RNF121: variants seen among roughly 807,000 people sequenced by gnomAD.
RNF121 encodes E3 ubiquitin ligase RNF121.
In RNF121, 21 loss-of-function variants were observed where a neutral mutation model predicts 46.5. That is an observed-to-expected ratio of 0.45 (90% confidence interval 0.32 to 0.65). The LOEUF (loss-of-function observed/expected upper bound fraction) is 0.65. Among genes scored for constraint, RNF121 ranks in the 30% least tolerant of loss-of-function variants. The probability of loss-of-function intolerance (pLI) is 0.04; values close to 1 mark genes in which losing one functional copy is unlikely to be tolerated. For synonymous variants in RNF121, 139 were observed against 144.7 expected, an observed-to-expected ratio of 0.96 and a Z score of 0.28; for missense variants, 346 against 416.0, an observed-to-expected ratio of 0.83 and a Z score of 1.46.
chr11:71,990,585 C>T lies in RNF121; in HGVS notation c.507-12C>T, dbSNP rs1288214395. The T allele has an allele frequency of 6.2e-7, 1 of 1,613,460 alleles. No homozygotes were observed. The highest frequency in any genetic ancestry group is 1.1e-5 in the South Asian group (1 of 91,012). ...AGGGTGGGTCTTTCTAGCTCTAATG[C>T]TTCCCTTGCAGGATCAAACCAGAAG... On this transcript the variant is annotated splice_polypyrimidine_tract_variant and intron_variant, in intron 5 of 8. Transcript: ENST00000361756.
At chr11:71,936,008 C>T (rs978907678) in intron 1 of RNF121, among the ~76,000 whole-genome samples, 17 of 150,110 alleles carry the variant, frequency 1.1e-4, no homozygotes, top group African/African-American at 2.4e-4. Flanking sequence ...CCACCACGCC[C>T]GGCTACTTTT....
At chr11:71,984,730 C>T (rs1055223958) in intron 4 of RNF121, among the ~76,000 whole-genome samples, 3 of 148,012 alleles carry the variant, frequency 2.0e-5, no homozygotes, top group Non-Finnish European at 4.4e-5. Flanking sequence ...AGGTGTGTGC[C>T]GCCACACCCG....
intron 5 of RNF121, among the ~76,000 whole-genome samples, chr11:71,989,678 G>A (rs979454028): frequency 7.2e-5 from 11 of 151,896 alleles, no homozygotes; most frequent in African/African-American, 1.7e-4. Context: ...GCAAATTATC[G>A]GTCCTTGGAA....
intron 3 of RNF121, chr11:71,962,271 A>G: frequency 2.0e-6 from 2 of 984,020 alleles, no homozygotes; most frequent in Non-Finnish European, 2.4e-6. Context: ...GCAGATTTTT[A>G]CAACCTATTC....
intron 3 of RNF121, among the ~76,000 whole-genome samples, chr11:71,967,744 T>C (rs1954320435): frequency 6.6e-6 from 1 of 152,258 alleles, no homozygotes; most frequent in East Asian, 1.9e-4. Context: ...TTTACTGCTA[T>C]ACCTATACCC....
chr11:71,996,090 G>A, intron 8 of RNF121, 105 bp from the exon 9 acceptor site: 1 of 1,390,310 alleles, frequency 7.2e-7, no homozygotes, highest in Non-Finnish European at 9.9e-7. Flanking sequence ...CCTCTAGGCT[G>A]TGGAGCAGCT....
intron 1 of RNF121, among the ~76,000 whole-genome samples, chr11:71,945,930 T>C (rs1953703965): frequency 6.6e-6 from 1 of 151,852 alleles, no homozygotes; most frequent in African/African-American, 2.4e-5. Context: ...TTGGGCAACA[T>C]AGAGAAACCC....
intron 5 of RNF121, among the ~76,000 whole-genome samples, chr11:71,988,387 A>C (rs2134213968): frequency 6.6e-6 from 1 of 152,322 alleles, no homozygotes; most frequent in East Asian, 1.9e-4. Context: ...ACGACAGTGC[A>C]CTGAAGCTAG....
rs533004301 is a variant in RNF121, at chr11:71,950,999, C to T, written c.64-6228C>T. Among the ~76,000 whole-genome samples, 24 of 152,210 alleles carry T rather than the reference C, an allele frequency of 1.6e-4. No homozygotes were observed. The South Asian group carries it at 3.9e-3, about 25-fold the overall frequency. On this transcript the variant is annotated intron_variant, in intron 1 of 8. Coordinates refer to ENST00000361756, the MANE Select transcript of RNF121 (RefSeq NM_018320.5). ...CAGCACTTTGGGAGGCTGAGGTGGA[C>T]GGATCACCTGAGGTCGGCAGTTTGA...
Position 71,996,632 on chromosome 11 carries a change from A to T in RNF121, c.*317A>T, listed in dbSNP as rs1954984196. ...TAAGCAGGGTGGGGGCAGAGCCATG[A>T]CATTTTTGGTTTAAAGGAGCCTTCT... On this transcript the variant is annotated 3_prime_UTR_variant, in exon 9 of 9. Coordinates refer to ENST00000361756, the MANE Select transcript of RNF121 (RefSeq NM_018320.5). 8.3e-6 allele frequency: 2 copies of T among 241,408 alleles called. No individual in the cohort carries two copies. The highest frequency in any genetic ancestry group is 1.1e-4 in the South Asian group (2 of 17,424). 15.0% of individuals were successfully genotyped at this position (241,408 alleles called of 1,614,324 possible).
At chr11:71,993,707 C>T (rs371225978) in intron 6 of RNF121, among the ~76,000 whole-genome samples, 15 of 152,178 alleles carry the variant, frequency 9.9e-5, no homozygotes, top group East Asian at 3.9e-4. Flanking sequence ...TGGGTTTATA[C>T]CGAGAATGGA....
chr11:71,977,980 A>T (rs1954564257), intron 3 of RNF121: 1 of 273,650 alleles, frequency 3.7e-6, no homozygotes, highest in Non-Finnish European at 7.3e-6. Flanking sequence ...ACTTTTAGCC[A>T]TTTATATGCC....
At chr11:71,993,138 G>A (rs183868843) in intron 6 of RNF121, among the ~76,000 whole-genome samples, 2 of 152,276 alleles carry the variant, frequency 1.3e-5, no homozygotes, top group East Asian at 3.9e-4. Context: ...TTGAACAACT[G>A]TCTTGTGCTT....
chr11:71,945,800 A>AT (rs1018763558), intron 1 of RNF121, among the ~76,000 whole-genome samples: 12 of 151,404 alleles, frequency 7.9e-5, no homozygotes, highest in African/African-American at 2.9e-4. Flanking sequence ...ATCAATAATA[A>AT]AAAAAATAAC....
chr11:71,941,415 C>T (rs1357861009), intron 1 of RNF121, among the ~76,000 whole-genome samples: 1 of 152,156 alleles, frequency 6.6e-6, no homozygotes, highest in African/African-American at 2.4e-5. Flanking sequence ...TCATTATTTC[C>T]TTCTTCAAAT....
At chr11:71,984,435 A>G (rs944233998) in intron 4 of RNF121, among the ~76,000 whole-genome samples, 26 of 151,888 alleles carry the variant, frequency 1.7e-4, no homozygotes, top group African/African-American at 6.3e-4. Context: ...ACCCGCCACC[A>G]CACCTGGCTA....
chr11:71,951,131 G>A (rs568606928), intron 1 of RNF121, among the ~76,000 whole-genome samples: 1 of 151,414 alleles, frequency 6.6e-6, no homozygotes. Context: ...CGCTGAGGTG[G>A]GAGAATCGCT....
chr11:71,990,562 G>A (rs1284932514), intron 5 of RNF121, 35 bp from the exon 6 acceptor site: 1 of 1,610,830 alleles, frequency 6.2e-7, no homozygotes, highest in East Asian at 2.2e-5. Context: ...TATGTCTCAG[G>A]GTGGGTCTTT....
chr11:71,994,681 A>G lies in RNF121; in HGVS notation c.628-38A>G, dbSNP rs772003983. On this transcript the variant is annotated intron_variant, in intron 6 of 8. Transcript: ENST00000361756. ...GCTTCCTACTTTGGCTGCTTCTCAC[A>G]TCTTTTCCTATCTTTCCTTCCTGCT... The G allele has an allele frequency of 6.8e-6, 11 of 1,612,714 alleles. No individual in the cohort carries two copies. The East Asian group carries it at 2.5e-4, about 36-fold the overall frequency.
Sources: allele counts gnomAD v4.1 joint callset (sites outside exome capture counted in the v4.1 genomes callset), GRCh38; gene constraint gnomAD v4.1.1; transcripts MANE v1.5; gene names NCBI Gene and HGNC (gene_info 2026-07-23, HGNC 2026-07-21).